Variants in HIF1A observed in about 807,000 individuals in gnomAD.
The protein encoded by HIF1A is hypoxia-inducible factor 1-alpha.
Under a neutral mutation model 92.7 loss-of-function variants are expected in HIF1A, and 24 were observed. That is an observed-to-expected ratio of 0.26 (90% CI 0.19 to 0.36). The LOEUF is 0.36. HIF1A is among the 10% of genes least tolerant of loss of function. HIF1A has a pLI of 1.00. For synonymous variants in HIF1A, 319 were observed against 338.7 expected, an observed-to-expected ratio of 0.94 and a Z score of 0.64; for missense variants, 799 against 998.5, an observed-to-expected ratio of 0.80 and a Z score of 2.69.
In HIF1A at chr14:61,734,131, C is replaced by A. The variant is rs774949585; in HGVS notation, c.881-7C>A. 1.3e-6 allele frequency: 2 copies of A among 1,534,882 alleles called. No homozygotes were observed. On this transcript the variant is annotated splice_region_variant and splice_polypyrimidine_tract_variant and intron_variant, in intron 7 of 14. Coordinates refer to ENST00000337138, the MANE Select transcript of HIF1A (RefSeq NM_001530.4). ...CTCTGCATGATTCTTTTTCTTTTCCCCCCTAGTGTTTACTAAAGGACAAGT... is the reference window on the plus strand; with the variant it reads ...CTCTGCATGATTCTTTTTCTTTTCCACCCTAGTGTTTACTAAAGGACAAGT...
At chr14:61,706,669 G>A (rs2044242253) in intron 1 of HIF1A, among the ~76,000 whole-genome samples, 1 of 152,142 alleles carries the variant, frequency 6.6e-6, no homozygotes, top group African/African-American at 2.4e-5. Context: ...TCACCTGAGT[G>A]TCTAGTTGCT....
intron 1 of HIF1A, among the ~76,000 whole-genome samples, chr14:61,711,900 G>T (rs1473212725): frequency 6.6e-6 from 1 of 152,078 alleles, no homozygotes. Flanking sequence ...ACTAGTGATC[G>T]AATCTCAACT....
At chr14:61,714,194 G>A (rs1016843193) in intron 1 of HIF1A, among the ~76,000 whole-genome samples, 1 of 152,124 alleles carries the variant, frequency 6.6e-6, no homozygotes, top group Non-Finnish European at 1.5e-5. Flanking sequence ...TTGCTGGAAC[G>A]TTCAAAAATC....
At chr14:61,746,550 T>A (rs957236017) in intron 14 of HIF1A, among the ~76,000 whole-genome samples, 4 of 151,906 alleles carry the variant, frequency 2.6e-5, no homozygotes, top group Non-Finnish European at 5.9e-5. Context: ...ACTACAGACA[T>A]GCCTCACCAC....
intron 1 of HIF1A, among the ~76,000 whole-genome samples, chr14:61,711,216 T>TTTTTTTTA: frequency 6.9e-6 from 1 of 144,056 alleles, no homozygotes; most frequent in African/African-American, 2.6e-5. Context: ...CCTTTTTTTT[T>TTTTTTTTA]TTTTTTTTTT....
intron 1 of HIF1A, among the ~76,000 whole-genome samples, chr14:61,712,535 G>A (rs977400648): frequency 2.0e-5 from 3 of 149,700 alleles, no homozygotes; most frequent in Non-Finnish European, 4.4e-5. Flanking sequence ...GGGGTGCAAA[G>A]AAACAGGGAG....
chr14:61,719,458 T>C (rs977400098), intron 1 of HIF1A, among the ~76,000 whole-genome samples: 7 of 152,236 alleles, frequency 4.6e-5, no homozygotes, highest in African/African-American at 1.7e-4. Context: ...GGGACAATAT[T>C]TAACCTATTT....
At chr14:61,718,650 T>C (rs76783843) in intron 1 of HIF1A, among the ~76,000 whole-genome samples, 76 of 152,376 alleles carry the variant, frequency 5.0e-4, no homozygotes, top group Non-Finnish European at 8.5e-4. Flanking sequence ...AATTACAGAC[T>C]GCTGGCATTT....
chr14:61,738,118 A>G lies in HIF1A; in HGVS notation c.1281A>G (p.Glu427=). The change falls in exon 10 of 15, where the codon GAA becomes GAG. Residue 427 remains glutamate (E), a synonymous_variant. Coordinates refer to ENST00000337138, the MANE Select transcript of HIF1A (RefSeq NM_001530.4). ...AAACTGATGACCAGCAACTTGAGGA[A>G]GTACCATTATATAATGATGTAATGC... ...DTETDDQQLE[E]VPLYNDVMLP... 1.2e-6 allele frequency: 2 copies of G among 1,608,818 alleles called. No homozygotes were observed. Among genetic ancestry groups the G allele is most frequent in the Non-Finnish European group, 1.7e-6 (2 of 1,177,252 alleles).
intron 1 of HIF1A, among the ~76,000 whole-genome samples, chr14:61,707,134 A>G (rs934747679): frequency 3.9e-5 from 6 of 152,212 alleles, no homozygotes; most frequent in African/African-American, 1.4e-4. Context: ...GGCATTTTTG[A>G]AGAACACGTT....
intron 1 of HIF1A, among the ~76,000 whole-genome samples, chr14:61,703,265 A>G (rs2044197703): frequency 6.6e-6 from 1 of 152,120 alleles, no homozygotes; most frequent in African/African-American, 2.4e-5. Context: ...GTTGTATTTT[A>G]GAGTGTCATT....
At chr14:61,712,541 G>C (rs775698595) in intron 1 of HIF1A, among the ~76,000 whole-genome samples, 1 of 149,396 alleles carries the variant, frequency 6.7e-6, no homozygotes, top group Non-Finnish European at 1.5e-5. Flanking sequence ...CAAAGAAACA[G>C]GGAGACAAAA....
chr14:61,702,273 C>CAAAAAAAAA (rs34312928), intron 1 of HIF1A, among the ~76,000 whole-genome samples: 13 of 101,910 alleles, frequency 1.3e-4, no homozygotes, highest in East Asian at 8.1e-4. Flanking sequence ...ACTAAAAATA[C>CAAAAAAAAA]AAAAAAAAAA....
In HIF1A at chr14:61,720,364, CTTG is replaced by C. The variant is rs749015869; in HGVS notation, c.36-9_36-7del. The C allele has an allele frequency of 1.7e-5, 26 of 1,574,548 alleles. No individual in the cohort carries two copies. Among genetic ancestry groups the C allele is most frequent in the Admixed American group, 9.6e-5 (5 of 52,352 alleles). The stretch of plus-strand genomic sequence containing the variant: ...TATACACTTTCCATCTCGTGTTTTT[CTTG>C]TTGTTGTTAAGTAGGATAAGTTCTG... On this transcript the variant is annotated splice_polypyrimidine_tract_variant and intron_variant, in intron 1 of 14. Coordinates refer to ENST00000337138, the MANE Select transcript of HIF1A (RefSeq NM_001530.4).
rs565006622 is a variant in HIF1A at position 61,712,232 on chromosome 14, G to T, written c.36-8150G>T. ...CTTGTGGGTATTTAGGGTAGCAGTA[G>T]TCCAGGCAAGGGGAACAACTAGTGC... On this transcript the variant is annotated intron_variant, in intron 1 of 14. Coordinates refer to ENST00000337138, the MANE Select transcript of HIF1A (RefSeq NM_001530.4). 3.9e-5 allele frequency among the ~76,000 whole-genome samples: 6 copies of T among 152,264 alleles called. No homozygotes were observed. The South Asian group carries it at 8.3e-4, about 21-fold the overall frequency.
intron 4 of HIF1A, among the ~76,000 whole-genome samples, chr14:61,725,118 G>A (rs2044487390): frequency 6.6e-6 from 1 of 152,086 alleles, no homozygotes. Context: ...ACATTCTAAT[G>A]TCTCTTTTTC....
chr14:61,745,485 T>G, intron 13 of HIF1A: 1 of 575,194 alleles, frequency 1.7e-6, no homozygotes, highest in South Asian at 2.0e-5. Context: ...CATTCTGATA[T>G]TTTCAAACTA....
At chr14:61,700,200 T>C (rs2044162865) in intron 1 of HIF1A, among the ~76,000 whole-genome samples, 1 of 152,190 alleles carries the variant, frequency 6.6e-6, no homozygotes, top group South Asian at 2.1e-4. Flanking sequence ...CTTAACCATT[T>C]CTAAGTACTG....
In HIF1A at chr14:61,726,834, T is replaced by G. The variant is rs1263892646; in HGVS notation, c.570+16T>G. ...AACATGGAAGGTAAGTGAAAATTAT[T>G]TGTGATTGATTATACACTTTATTTA... On this transcript the variant is annotated intron_variant, in intron 5 of 14. Coordinates refer to ENST00000337138, the MANE Select transcript of HIF1A (RefSeq NM_001530.4). The G allele has an allele frequency of 7.3e-7, 1 of 1,368,700 alleles. No homozygotes were observed. The allele number at this position is 1,368,700 out of a possible 1,614,324, so 84.8% of individuals were successfully genotyped here. A position where few individuals can be genotyped will look rare whatever the true frequency, so the allele number is the denominator to read the frequency against.
Sources: allele counts gnomAD v4.1 joint callset (sites outside exome capture counted in the v4.1 genomes callset), GRCh38; gene constraint gnomAD v4.1.1; transcripts MANE v1.5; gene names NCBI Gene and HGNC (gene_info 2026-07-23, HGNC 2026-07-21).